The following KIAA1217 variants were observed in gnomAD, a reference collection of about 807,000 sequenced individuals.
The protein encoded by KIAA1217 is KIAA1217, also known as sickle tail protein homolog.
A neutral mutation model predicts 163.9 loss-of-function variants in KIAA1217; 88 were observed. That is an observed-to-expected ratio of 0.54 (90% CI 0.45 to 0.64). The LOEUF (loss-of-function observed/expected upper bound fraction) is 0.64. Ranked by LOEUF, KIAA1217 falls within the 30% of genes least tolerant of loss-of-function variation. KIAA1217 has a pLI of 0.00. For synonymous variants in KIAA1217, 903 were observed against 923.1 expected, an observed-to-expected ratio of 0.98 and a Z score of 0.39; for missense variants, 2,372 against 2,475.0, an observed-to-expected ratio of 0.96 and a Z score of 0.88.
chr10:23,848,787 A>G (rs1411966172), intron 1 of KIAA1217, among the ~76,000 whole-genome samples: 1 of 152,080 alleles, frequency 6.6e-6, no homozygotes, highest in Non-Finnish European at 1.5e-5. Context: ...GGAGAGTCAC[A>G]TGGCTCCACA....
intron 2 of KIAA1217, among the ~76,000 whole-genome samples, chr10:24,118,212 C>T (rs2063137987): frequency 6.6e-6 from 1 of 151,628 alleles, no homozygotes; most frequent in Non-Finnish European, 1.5e-5. Flanking sequence ...AGCAAAACGT[C>T]CTTACGTGCA....
intron 2 of KIAA1217, among the ~76,000 whole-genome samples, chr10:24,167,600 A>C (rs2065418661): frequency 6.6e-6 from 1 of 152,032 alleles, no homozygotes; most frequent in South Asian, 2.1e-4. Context: ...TTCCACCTTT[A>C]CCCAACTTGG....
chr10:24,382,203 A>G (rs190899218), intron 3 of KIAA1217, among the ~76,000 whole-genome samples: 2 of 152,074 alleles, frequency 1.3e-5, no homozygotes, highest in African/African-American at 4.8e-5. Flanking sequence ...TTGCAAACAG[A>G]TGGGCTTGGG....
intron 2 of KIAA1217, 142 bp downstream of exon 2, chr10:24,220,051 C>A (rs1397816683): frequency 4.5e-6 from 4 of 881,352 alleles, no homozygotes; most frequent in Admixed American, 3.7e-5. Flanking sequence ...TTCTTTGGGG[C>A]CTTGGGAGGA....
chr10:23,997,906 G>C (rs1003663598), intron 1 of KIAA1217, among the ~76,000 whole-genome samples: 14 of 151,962 alleles, frequency 9.2e-5, no homozygotes, highest in Non-Finnish European at 1.6e-4. Context: ...CCTATACCTG[G>C]AGTGATTTCT....
intron 1 of KIAA1217, among the ~76,000 whole-genome samples, chr10:23,846,892 A>T (rs993366536): frequency 1.2e-4 from 19 of 152,070 alleles, no homozygotes; most frequent in African/African-American, 4.6e-4. Flanking sequence ...AGCTCCTATT[A>T]TTTTGAGATA....
intron 2 of KIAA1217, among the ~76,000 whole-genome samples, chr10:24,014,394 A>C (rs543667111): frequency 6.6e-6 from 1 of 152,296 alleles, no homozygotes; most frequent in African/African-American, 2.4e-5. Context: ...GAAATAAACA[A>C]ATCACTGCTT....
chr10:23,910,221 A>T (rs1401763248), intron 1 of KIAA1217, among the ~76,000 whole-genome samples: 2 of 152,070 alleles, frequency 1.3e-5, no homozygotes, highest in African/African-American at 2.4e-5. Context: ...TGGGTGCAAC[A>T]AACTACCGTG....
At chr10:24,059,898 T>C (rs930890812) in intron 2 of KIAA1217, among the ~76,000 whole-genome samples, 8 of 152,162 alleles carry the variant, frequency 5.3e-5, no homozygotes, top group Admixed American at 2.6e-4. Flanking sequence ...CATCACCCAG[T>C]CTTGGTAAGC....
intron 6 of KIAA1217, among the ~76,000 whole-genome samples, chr10:24,478,878 C>G (rs951047013): frequency 6.6e-6 from 1 of 152,142 alleles, no homozygotes; most frequent in Non-Finnish European, 1.5e-5. Context: ...TGAAATAACA[C>G]TCAAAATTCA....
In KIAA1217 at chr10:23,701,651, C is replaced by T. The variant is rs186389062; in HGVS notation, c.-321+6417C>T. On this transcript the variant is annotated intron_variant, in intron 1 of 18. Coordinates refer to the KIAA1217 transcript ENST00000376462. ...AATAAAATGACCCCTGTAAAGCCCT[C>T]CCTAGGGCTAGTAATAGCCTGTATA... Among the ~76,000 whole-genome samples, 140 of 152,266 alleles carry T rather than the reference C, an allele frequency of 9.2e-4. 1 individual carries two copies. The highest frequency in any genetic ancestry group is 3.2e-3 in the African/African-American group (133 of 41,544).
rs546293754 is a variant in KIAA1217 at position 23,760,702 on chromosome 10, A to G, written c.-321+65468A>G. ...ATGCCTGTAATCTCAGCACTTTGGG[A>G]GGCCCAGGTGGGAAGATTGCTTGAG... On this transcript the variant is annotated intron_variant, in intron 1 of 18. Coordinates refer to the KIAA1217 transcript ENST00000376462. 5.5e-4 allele frequency among the ~76,000 whole-genome samples: 84 copies of G among 152,352 alleles called. No individual in the cohort carries two copies. In the South Asian group the frequency reaches 0.011, roughly 20 times the overall value.
At chr10:24,453,492 G>T (rs2061538625) in intron 5 of KIAA1217, among the ~76,000 whole-genome samples, 1 of 152,176 alleles carries the variant, frequency 6.6e-6, no homozygotes, top group African/African-American at 2.4e-5. Flanking sequence ...ATTTTTTATG[G>T]AAGGAGAATA....
intron 2 of KIAA1217, among the ~76,000 whole-genome samples, chr10:24,324,790 G>A (rs982209467): frequency 6.6e-6 from 1 of 152,026 alleles, no homozygotes; most frequent in African/African-American, 2.4e-5. Flanking sequence ...TTGTCTGTGG[G>A]CTGGTCTTGT....
At chr10:23,818,332 T>A (rs34716905) in intron 1 of KIAA1217, among the ~76,000 whole-genome samples, 12,299 of 123,018 alleles carry the variant, frequency 0.1, 1,700 homozygotes, top group African/African-American at 0.36. Flanking sequence ...TATATATATT[T>A]TATATATATA....
intron 1 of KIAA1217, among the ~76,000 whole-genome samples, chr10:23,870,208 T>C (rs1840392486): frequency 6.6e-6 from 1 of 152,070 alleles, no homozygotes; most frequent in East Asian, 1.9e-4. Context: ...ACGTGAGGAT[T>C]TTCACACATC....
chr10:24,436,569 T>C (rs952621669), intron 4 of KIAA1217, among the ~76,000 whole-genome samples: 33 of 151,306 alleles, frequency 2.2e-4, no homozygotes, highest in Middle Eastern at 6.9e-3. Context: ...CCATCCTGGT[T>C]AACACAGTGA....
At chr10:24,419,330 G>A (rs1292126712) in intron 3 of KIAA1217, among the ~76,000 whole-genome samples, 1 of 152,084 alleles carries the variant, frequency 6.6e-6, no homozygotes, top group East Asian at 1.9e-4. Flanking sequence ...TATTAAGACA[G>A]CTCTCTTTTG....
At chr10:24,158,871 G>C (rs986965345) in intron 2 of KIAA1217, 1 of 278,222 alleles carries the variant, frequency 3.6e-6, no homozygotes, top group Non-Finnish European at 7.4e-6. Context: ...TTATATAACT[G>C]TTCCTGCAGT....
Sources: gnomAD v4.1 joint callset for allele counts (sites outside exome capture counted in the v4.1 genomes callset) on GRCh38, gnomAD v4.1.1 for gene constraint, MANE v1.5 for transcripts, NCBI Gene and HGNC (gene_info 2026-07-23, HGNC 2026-07-21) for gene names.